Variants in OSTF1 observed in about 807,000 individuals in gnomAD.
OSTF1 encodes the protein osteoclast-stimulating factor 1.
OSTF1 carries 27 observed loss-of-function variants against 37.2 expected under a neutral mutation model. The ratio of observed to expected loss-of-function variants is 0.73; its 90% CI spans 0.54 to 1.00. OSTF1 has a LOEUF of 1.00. Ranked by LOEUF, OSTF1 falls within the 50% of genes least tolerant of loss-of-function variation. The probability of loss-of-function intolerance (pLI) is 0.00; values close to 1 mark genes in which losing one functional copy is unlikely to be tolerated. For missense variants in OSTF1, 232 were observed against 253.8 expected (o/e 0.91, Z 0.58); for synonymous variants, 82 against 89.2 (o/e 0.92, Z 0.46).
chr9:75,140,981 T>C (rs374295545), intron 9 of OSTF1, 49 bp downstream of exon 9: 1 of 1,311,054 alleles, frequency 7.6e-7, no homozygotes, highest in Non-Finnish European at 1.1e-6. Context: ...ATAACTAAGA[T>C]TTATTAACTT....
chr9:75,119,697 T>C (rs1479505605), intron 2 of OSTF1, among the ~76,000 whole-genome samples: 4 of 152,202 alleles, frequency 2.6e-5, no homozygotes, highest in African/African-American at 9.6e-5. Context: ...CTGGGCACGG[T>C]GGCTCACGCC....
At chr9:75,107,381 C>T (rs1212808076) in intron 1 of OSTF1, among the ~76,000 whole-genome samples, 3 of 152,086 alleles carry the variant, frequency 2.0e-5, no homozygotes, top group East Asian at 1.9e-4. Context: ...TTAATGCTCC[C>T]TGCATGTTCT....
intron 9 of OSTF1, among the ~76,000 whole-genome samples, chr9:75,145,393 A>G (rs1391408536): frequency 1.3e-5 from 2 of 152,180 alleles, no homozygotes; most frequent in South Asian, 4.1e-4. Context: ...TAAATCATAT[A>G]GAATATTGTG....
chr9:75,131,984 C>T (rs1461451477), intron 5 of OSTF1, among the ~76,000 whole-genome samples, 161 bp downstream of exon 5: 1 of 152,184 alleles, frequency 6.6e-6, no homozygotes, highest in Non-Finnish European at 1.5e-5. Context: ...TCAGTTAAAT[C>T]CCTGCCTTAC....
chr9:75,093,505 A>G (rs886074096), intron 1 of OSTF1, among the ~76,000 whole-genome samples: 1 of 152,118 alleles, frequency 6.6e-6, no homozygotes. Flanking sequence ...GACCTTGGCC[A>G]TTTTTTCCAA....
At chr9:75,141,252 G>A (rs148455988) in intron 9 of OSTF1, among the ~76,000 whole-genome samples, 257 of 137,466 alleles carry the variant, frequency 1.9e-3, no homozygotes, top group Middle Eastern at 0.017. Flanking sequence ...AGTGAGCTGT[G>A]ATCGCACCAC....
intron 2 of OSTF1, among the ~76,000 whole-genome samples, chr9:75,118,951 C>T (rs1825536131): frequency 1.3e-5 from 2 of 152,138 alleles, no homozygotes. Flanking sequence ...ACTTTTCTCT[C>T]ATATATGCTA....
chr9:75,129,341 C>T (rs1825728572), intron 3 of OSTF1, among the ~76,000 whole-genome samples: 1 of 152,064 alleles, frequency 6.6e-6, no homozygotes, highest in African/African-American at 2.4e-5. Flanking sequence ...GAATTTCTTA[C>T]CTGGGCAATC....
chr9:75,102,313 A>G (rs1477476975), intron 1 of OSTF1, among the ~76,000 whole-genome samples: 1 of 152,162 alleles, frequency 6.6e-6, no homozygotes, highest in Non-Finnish European at 1.5e-5. Flanking sequence ...TAAACAGTGG[A>G]TGCACACATT....
rs535908337 is a variant in OSTF1 at position 75,126,162 on chromosome 9, G to A, written c.82-1407G>A. Among the ~76,000 whole-genome samples, 11 of 152,208 alleles carry A rather than the reference G, an allele frequency of 7.2e-5. No homozygotes were observed. The South Asian group carries it at 2.3e-3, about 32-fold the overall frequency. On this transcript the variant is annotated intron_variant, in intron 2 of 9. Transcript: ENST00000346234. ...ACGCCTGTCCTCAAGTGATCTGCCC[G>A]CCTCAGCCTCCCAAAGTGCAGGAAT...
chr9:75,130,358 A>G (rs1825743396), intron 3 of OSTF1, among the ~76,000 whole-genome samples: 1 of 152,210 alleles, frequency 6.6e-6, no homozygotes, highest in African/African-American at 2.4e-5. Flanking sequence ...AGACTCTGTC[A>G]TGAAACGTAT....
At position 75,137,600 on chromosome 9, in the gene OSTF1, G is replaced by C. The variant is rs151332448; in HGVS notation, c.471G>C (p.Gln157His). The C allele has an allele frequency of 1.2e-5, 20 of 1,611,012 alleles. No individual in the cohort carries two copies. Among genetic ancestry groups the C allele is most frequent in the African/African-American group, 4.0e-5 (3 of 74,866 alleles). ...AAWKGYADIV[Q>H]LLLAKGARTD... ...GGAAGGGTTATGCAGATATCGTCCAGTTGCTTCTGGCAAAAGGTAAAGTTT... is the reference window on the plus strand; with the variant it reads ...GGAAGGGTTATGCAGATATCGTCCACTTGCTTCTGGCAAAAGGTAAAGTTT... Residue 157 changes from glutamine (Q) to histidine (H), a missense_variant, in exon 8 of 10, where the codon CAG becomes CAC. Coordinates refer to ENST00000346234, the MANE Select transcript of OSTF1 (RefSeq NM_012383.5).
chr9:75,127,014 G>A (rs1825672761), intron 2 of OSTF1, among the ~76,000 whole-genome samples: 2 of 152,144 alleles, frequency 1.3e-5, no homozygotes, highest in Non-Finnish European at 2.9e-5. Flanking sequence ...ATATCTTTTA[G>A]CTCTTTAGCC....
intron 2 of OSTF1, among the ~76,000 whole-genome samples, chr9:75,121,112 C>G (rs909503351): frequency 6.6e-6 from 1 of 152,232 alleles, no homozygotes; most frequent in Non-Finnish European, 1.5e-5. Flanking sequence ...GAGGAAATTA[C>G]TGAACCTCTC....
rs566229773 is a variant in OSTF1 at position 75,108,274 on chromosome 9, G to C, written c.35-9230G>C. On this transcript the variant is annotated intron_variant, in intron 1 of 9. Transcript: ENST00000346234. Reference sequence around the variant, plus strand: ...TAATTAATCAAAGAAAAAAGAAAAAGAAAAAATTTGCTTTGGAAACAAGTA... The same window carrying C: ...TAATTAATCAAAGAAAAAAGAAAAACAAAAAATTTGCTTTGGAAACAAGTA... Among the ~76,000 whole-genome samples the C allele has an allele frequency of 1.8e-3, 271 of 151,564 alleles. 1 individual carries two copies. Among genetic ancestry groups the C allele is most frequent in the Non-Finnish European group, 2.7e-3 (181 of 67,884 alleles).
At chr9:75,095,931 G>C (rs571148249) in intron 1 of OSTF1, among the ~76,000 whole-genome samples, 1 of 150,308 alleles carries the variant, frequency 6.7e-6, no homozygotes. Context: ...TTGCTCTGTC[G>C]CCCAGGCTGG....
chr9:75,134,024 G>A (rs1006336547), intron 6 of OSTF1, among the ~76,000 whole-genome samples: 2 of 152,096 alleles, frequency 1.3e-5, no homozygotes, highest in East Asian at 3.9e-4. Flanking sequence ...ATTTGTAACT[G>A]TCTACTAAAA....
chr9:75,123,479 A>G (rs961295968), intron 2 of OSTF1, among the ~76,000 whole-genome samples: 2 of 152,222 alleles, frequency 1.3e-5, no homozygotes, highest in African/African-American at 4.8e-5. Flanking sequence ...AGAGAAGTGC[A>G]TACTTCATTA....
At chr9:75,145,279 C>T (rs1387763691) in intron 9 of OSTF1, among the ~76,000 whole-genome samples, 1 of 152,068 alleles carries the variant, frequency 6.6e-6, no homozygotes, top group African/African-American at 2.4e-5. Context: ...GCTAGCTAGC[C>T]AGAGGTTTGA....
Sources: gnomAD v4.1 joint callset for allele counts (sites outside exome capture counted in the v4.1 genomes callset) on GRCh38, gnomAD v4.1.1 for gene constraint, MANE v1.5 for transcripts, NCBI Gene and HGNC (gene_info 2026-07-23, HGNC 2026-07-21) for gene names.